Variants in AQP9 observed in about 807,000 individuals in gnomAD.
AQP9 encodes the protein aquaporin 9.
AQP9 carries 19 observed loss-of-function variants against 23.8 expected under a neutral mutation model. The ratio of observed to expected loss-of-function variants is 0.80; its 90% CI spans 0.56 to 1.17. The LOEUF (loss-of-function observed/expected upper bound fraction) is 1.17, where lower values mean the gene tolerates loss of function less well. Among genes scored for constraint, AQP9 ranks in the 50% most tolerant of loss-of-function variants. The pLI, the probability that AQP9 is intolerant of heterozygous loss-of-function variation, is 0.00. For synonymous variants in AQP9, 153 were observed against 131.5 expected, an observed-to-expected ratio of 1.16 and a Z score of -1.12; for missense variants, 413 against 362.0, an observed-to-expected ratio of 1.14 and a Z score of -1.14.
chr15:58,162,586 C>T (rs1595736515), intron 1 of AQP9, among the ~76,000 whole-genome samples: 1 of 152,134 alleles, frequency 6.6e-6, no homozygotes, highest in Non-Finnish European at 1.5e-5. Flanking sequence ...ATGCCTTCTG[C>T]GTGCTGTCAA....
intron 2 of AQP9, among the ~76,000 whole-genome samples, chr15:58,171,434 C>T (rs1898619379): frequency 6.6e-6 from 1 of 152,094 alleles, no homozygotes; most frequent in Admixed American, 6.6e-5. Context: ...CAGCTGGAGG[C>T]AGCTACTCTG....
chr15:58,182,244 G>A (rs781650010), intron 5 of AQP9, among the ~76,000 whole-genome samples: 2 of 152,158 alleles, frequency 1.3e-5, no homozygotes, highest in African/African-American at 2.4e-5. Context: ...TTTTCAAATA[G>A]TTGGCCCAAA....
intron 1 of AQP9, chr15:58,156,076 G>C (rs1357194438): frequency 1.3e-5 from 2 of 152,114 alleles, no homozygotes; most frequent in Non-Finnish European, 2.9e-5. Flanking sequence ...TGCCCTTGTA[G>C]TATAACTCAA....
chr15:58,140,571 A>C (rs1897934265), intron 1 of AQP9, among the ~76,000 whole-genome samples: 1 of 152,210 alleles, frequency 6.6e-6, no homozygotes, highest in South Asian at 2.1e-4. Flanking sequence ...GCACAAACAC[A>C]ATTTTTTTAA....
rs1413244573 is a variant in AQP9, at chr15:58,138,392, C to T, written c.-174C>T. 12 of 539,624 alleles carry T rather than the reference C, an allele frequency of 2.2e-5. No homozygotes were observed. Among genetic ancestry groups the T allele is most frequent in the Middle Eastern group, 5.0e-4 (1 of 2,008 alleles). 33.4% of individuals were successfully genotyped at this position (539,624 alleles called of 1,614,324 possible). On this transcript the variant is annotated 5_prime_UTR_variant, in exon 1 of 6. In the 5' UTR this introduces an upstream ATG that the reference lacks. Coordinates refer to ENST00000219919, the MANE Select transcript of AQP9 (RefSeq NM_020980.5). ...AGGGAATGACAGTTCCACCAGAAGA[C>T]GATTAAGCCACAGCCTCTAATTGGA...
In AQP9 at chr15:58,184,348, C is replaced by T. The variant is rs1403649519; in HGVS notation, c.*213C>T. ...CCCCCACCCCCACCCCCCAGAATAACGCTGACTGTCCCCTGAAACAGCCTT... is the reference window on the plus strand; with the variant it reads ...CCCCCACCCCCACCCCCCAGAATAATGCTGACTGTCCCCTGAAACAGCCTT... On this transcript the variant is annotated 3_prime_UTR_variant, in exon 6 of 6. Coordinates refer to ENST00000219919, the MANE Select transcript of AQP9 (RefSeq NM_020980.5). 2.6e-5 allele frequency: 12 copies of T among 464,348 alleles called. No homozygotes were observed. The highest frequency in any genetic ancestry group is 1.0e-4 in the East Asian group (3 of 29,048). The allele number at this position is 464,348 out of a possible 1,614,324, so 28.8% of individuals were successfully genotyped here.
chr15:58,159,819 G>A (rs1474229998), intron 1 of AQP9, among the ~76,000 whole-genome samples: 7 of 152,094 alleles, frequency 4.6e-5, no homozygotes, highest in African/African-American at 1.7e-4. Context: ...CATTCACATT[G>A]CTACAAATGA....
intron 2 of AQP9, among the ~76,000 whole-genome samples, chr15:58,171,584 C>T (rs138309182): frequency 2.0e-5 from 3 of 152,282 alleles, no homozygotes; most frequent in Non-Finnish European, 4.4e-5. Context: ...GAAAGGAAAA[C>T]ACAACAGTTG....
chr15:58,157,717 C>T lies in AQP9; in HGVS notation c.112-8956C>T, dbSNP rs568244261. Among the ~76,000 whole-genome samples, 7 of 152,264 alleles carry T rather than the reference C, an allele frequency of 4.6e-5. No individual in the cohort carries two copies. In the East Asian group the frequency reaches 1.2e-3, roughly 25 times the overall value. ...AAGAGAGGAAAGGGTTTAACTCTAC[C>T]TTTCACTCTAGTTTTCTACCGGTGG... is the stretch of plus-strand genomic sequence containing the variant. On this transcript the variant is annotated intron_variant, in intron 1 of 5. Transcript: ENST00000219919.
chr15:58,139,616 C>T lies in AQP9; in HGVS notation c.111+940C>T, dbSNP rs576166293. Among the ~76,000 whole-genome samples the T allele has an allele frequency of 9.9e-5, 15 of 152,278 alleles. No homozygotes were observed. The East Asian group carries it at 2.7e-3, about 27-fold the overall frequency. On this transcript the variant is annotated intron_variant, in intron 1 of 5. Coordinates refer to ENST00000219919, the MANE Select transcript of AQP9 (RefSeq NM_020980.5). ...AGTTATAGAGAATAGCCCATAAACTCTGTGCATTAAAAGTTCTTTGCTTGG... is the reference window on the plus strand; with the variant it reads ...AGTTATAGAGAATAGCCCATAAACTTTGTGCATTAAAAGTTCTTTGCTTGG...
intron 1 of AQP9, chr15:58,155,684 C>T (rs527254566): frequency 6.6e-6 from 1 of 152,094 alleles, no homozygotes; most frequent in Non-Finnish European, 1.5e-5. Flanking sequence ...CCTAATAATT[C>T]TAGTACTATT....
intron 1 of AQP9, among the ~76,000 whole-genome samples, chr15:58,157,462 G>C (rs968711577): frequency 1.1e-4 from 16 of 152,198 alleles, no homozygotes; most frequent in Admixed American, 9.8e-4. Context: ...AAGGGGGCAG[G>C]TGGGAGTTGG....
At chr15:58,175,211 T>C (rs953262807) in intron 4 of AQP9, among the ~76,000 whole-genome samples, 175 bp downstream of exon 4, 1 of 152,244 alleles carries the variant, frequency 6.6e-6, no homozygotes, top group Admixed American at 6.5e-5. Flanking sequence ...AAGGAGCTGA[T>C]ACCACCAGAA....
chr15:58,150,037 T>C (rs1037285071), intron 1 of AQP9, among the ~76,000 whole-genome samples: 1 of 152,200 alleles, frequency 6.6e-6, no homozygotes, highest in Non-Finnish European at 1.5e-5. Flanking sequence ...AAAAGCTTAA[T>C]GGTTTCCTCT....
At chr15:58,180,442 A>G (rs1393726455) in intron 5 of AQP9, among the ~76,000 whole-genome samples, 1 of 152,200 alleles carries the variant, frequency 6.6e-6, no homozygotes. Flanking sequence ...CTAGAGTGTA[A>G]GTGCCATGAG....
intron 5 of AQP9, among the ~76,000 whole-genome samples, chr15:58,180,073 G>A (rs1161365305): frequency 6.6e-6 from 1 of 152,140 alleles, no homozygotes; most frequent in Non-Finnish European, 1.5e-5. Flanking sequence ...ATGTGCTGAG[G>A]AAATACGCCA....
chr15:58,147,799 A>G (rs543759853), intron 1 of AQP9, among the ~76,000 whole-genome samples: 4 of 152,318 alleles, frequency 2.6e-5, no homozygotes, highest in East Asian at 1.9e-4. Flanking sequence ...TAGAAGGTTT[A>G]CATGCTAATA....
rs769134578 is a variant in AQP9 at position 58,173,199 on chromosome 15, T to G, written c.370T>G (p.Tyr124Asp). 2.5e-6 allele frequency: 4 copies of G among 1,614,158 alleles called. No individual in the cohort carries two copies. The Admixed American group carries it at 6.7e-5, about 27-fold the overall frequency. The change falls in exon 3 of 6, where the codon TAC (tyrosine) becomes GAC (aspartate). Residue 124 changes from tyrosine (Y) to aspartate (D), a missense_variant. By Grantham distance (160) the Tyr-to-Asp change is radical. Transcript: ENST00000219919. ...FVGAATVFGIYYDGLMSFAGG... is the reference protein window; with the variant it reads ...FVGAATVFGIDYDGLMSFAGG... ...GGGGGCTGCAACCGTCTTTGGCATT[T>G]ACTATGGTGAGTAAAGTCCCTGAGT... is the stretch of plus-strand genomic sequence containing the variant.
At chr15:58,166,106 G>C (rs1898497486) in intron 1 of AQP9, among the ~76,000 whole-genome samples, 1 of 152,072 alleles carries the variant, frequency 6.6e-6, no homozygotes, top group Non-Finnish European at 1.5e-5. Context: ...TTTATACTGG[G>C]AGCCACAAGA....
Sources: gnomAD v4.1 joint callset for allele counts (sites outside exome capture counted in the v4.1 genomes callset) on GRCh38, gnomAD v4.1.1 for gene constraint, MANE v1.5 for transcripts, NCBI Gene and HGNC (gene_info 2026-07-23, HGNC 2026-07-21) for gene names.